Variants in POFUT3 observed in about 807,000 individuals in gnomAD.
POFUT3 encodes protein O-fucosyltransferase 3.
chr8:33,433,611 C>CTAA, the POFUT3 span, among the ~76,000 whole-genome samples: 1 of 140,528 alleles, frequency 7.1e-6, no homozygotes, highest in Non-Finnish European at 1.5e-5. Flanking sequence ...GACTTCGTCT[C>CTAA]AAAAAAAAAA....
chr8:33,460,058 C>T, the POFUT3 span, among the ~76,000 whole-genome samples: 1 of 152,092 alleles, frequency 6.6e-6, no homozygotes, highest in African/African-American at 2.4e-5. Context: ...AGCTAGGTGG[C>T]GGAAGCCTGT....
chr8:33,367,551 C>CTG, the POFUT3 span, among the ~76,000 whole-genome samples: 1 of 152,106 alleles, frequency 6.6e-6, no homozygotes, highest in Non-Finnish European at 1.5e-5. Context: ...CTCTATATTT[C>CTG]TGTGTGTGTG....
chr8:33,461,615 G>T, the POFUT3 span: 1 of 1,531,040 alleles, frequency 6.5e-7, no homozygotes, highest in Non-Finnish European at 8.7e-7. Flanking sequence ...ACTGAGATCC[G>T]AGGTTGTGAG....
the POFUT3 span, chr8:33,453,278 C>G: frequency 1.3e-4 from 203 of 1,614,074 alleles, no homozygotes; most frequent in Non-Finnish European, 1.6e-4. Flanking sequence ...GGTGAAGAAA[C>G]AAGCATCTGC....
At chr8:33,423,178 T>C in the POFUT3 span, among the ~76,000 whole-genome samples, 1 of 152,174 alleles carries the variant, frequency 6.6e-6, no homozygotes, top group African/African-American at 2.4e-5. Flanking sequence ...GAGATCCTAT[T>C]CCCTACACTG....
the POFUT3 span, among the ~76,000 whole-genome samples, chr8:33,367,286 G>A: frequency 6.6e-6 from 1 of 152,184 alleles, no homozygotes; most frequent in African/African-American, 2.4e-5. Flanking sequence ...ACCGCTTAAA[G>A]GCATTCTTAA....
At chr8:33,467,378 T>C in the POFUT3 span, among the ~76,000 whole-genome samples, 7 of 149,752 alleles carry the variant, frequency 4.7e-5, no homozygotes, top group African/African-American at 1.7e-4. Context: ...TCCAGACACA[T>C]ACTGAAGCAC....
chr8:33,346,369 A>G, the POFUT3 span, among the ~76,000 whole-genome samples: 1 of 152,188 alleles, frequency 6.6e-6, no homozygotes, highest in African/African-American at 2.4e-5. Context: ...TTTAGATTAC[A>G]TGCTTCATGA....
chr8:33,342,714 G>T, the POFUT3 span, among the ~76,000 whole-genome samples: 126 of 152,272 alleles, frequency 8.3e-4, no homozygotes, highest in Non-Finnish European at 1.4e-3. Context: ...TTGTTAGTAG[G>T]AATGTTACAG....
the POFUT3 span, among the ~76,000 whole-genome samples, chr8:33,385,871 C>G: frequency 6.6e-6 from 1 of 150,950 alleles, no homozygotes; most frequent in African/African-American, 2.4e-5. Context: ...CCATATAGAA[C>G]GAATCCTGTA....
chr8:33,437,468 G>A, the POFUT3 span, among the ~76,000 whole-genome samples: 1 of 152,018 alleles, frequency 6.6e-6, no homozygotes, highest in Non-Finnish European at 1.5e-5. Flanking sequence ...AAATGCCTCT[G>A]GATGTTTTTC....
the POFUT3 span, among the ~76,000 whole-genome samples, chr8:33,365,166 T>C: frequency 2.6e-5 from 4 of 151,874 alleles, no homozygotes; most frequent in Non-Finnish European, 4.4e-5. Flanking sequence ...GGAAAGGATT[T>C]CCTATTTAAT....
the POFUT3 span, among the ~76,000 whole-genome samples, chr8:33,414,307 C>T: frequency 6.6e-6 from 1 of 151,820 alleles, no homozygotes; most frequent in Non-Finnish European, 1.5e-5. Flanking sequence ...CTCACCTTTC[C>T]ACCACCTCCC....
At chr8:33,367,867 T>G in the POFUT3 span, among the ~76,000 whole-genome samples, 1 of 150,606 alleles carries the variant, frequency 6.6e-6, no homozygotes, top group Non-Finnish European at 1.5e-5. Flanking sequence ...TAATGGTTTT[T>G]AAATATAATT....
At chr8:33,424,676 C>T in the POFUT3 span, among the ~76,000 whole-genome samples, 1 of 152,160 alleles carries the variant, frequency 6.6e-6, no homozygotes, top group African/African-American at 2.4e-5. Flanking sequence ...TGTACTTTTG[C>T]TTCTTGGATT....
At chr8:33,405,265 C>T in the POFUT3 span, among the ~76,000 whole-genome samples, 1 of 151,944 alleles carries the variant, frequency 6.6e-6, no homozygotes, top group Non-Finnish European at 1.5e-5. Context: ...TGCACTCCAG[C>T]CTGGACAACA....
At chr8:33,341,882 G>C in the POFUT3 span, among the ~76,000 whole-genome samples, 2 of 151,958 alleles carry the variant, frequency 1.3e-5, no homozygotes, top group African/African-American at 4.8e-5. Context: ...AACATAGCAA[G>C]ACTCCATCTC....
the POFUT3 span, among the ~76,000 whole-genome samples, chr8:33,374,365 T>C: frequency 5.3e-5 from 8 of 152,154 alleles, no homozygotes; most frequent in Non-Finnish European, 1.2e-4. Flanking sequence ...GAGAAGACAT[T>C]AGACAAACCG....
the POFUT3 span, among the ~76,000 whole-genome samples, chr8:33,418,440 T>C: frequency 6.8e-6 from 1 of 146,690 alleles, no homozygotes; most frequent in Non-Finnish European, 1.5e-5. Context: ...TGAGATGGGA[T>C]TATAGGCACG....
Sources: gnomAD v4.1 joint callset for allele counts (sites outside exome capture counted in the v4.1 genomes callset) on GRCh38, gnomAD v4.1.1 for gene constraint, MANE v1.5 for transcripts, NCBI Gene and HGNC (gene_info 2026-07-23, HGNC 2026-07-21) for gene names.